Variants in SGMS1 observed in about 807,000 individuals in gnomAD.
SGMS1 encodes sphingomyelin synthase 1, also known as phosphatidylcholine:ceramide cholinephosphotransferase 1.
SGMS1 carries 13 observed loss-of-function variants against 46.2 expected under a neutral mutation model. The observed-to-expected ratio is 0.28, with a 90% CI of 0.18 to 0.45. The LOEUF is 0.45. SGMS1 is among the 20% of genes least tolerant of loss of function. The probability of loss-of-function intolerance (pLI) is 1.00; values close to 1 mark genes in which losing one functional copy is unlikely to be tolerated. For synonymous variants in SGMS1, 203 were observed against 187.8 expected, an observed-to-expected ratio of 1.08 and a Z score of -0.66; for missense variants, 324 against 519.9, an observed-to-expected ratio of 0.62 and a Z score of 3.66.
At chr10:50,402,693 G>T (rs1467385361) in intron 6 of SGMS1, among the ~76,000 whole-genome samples, 1 of 151,902 alleles carries the variant, frequency 6.6e-6, no homozygotes, top group East Asian at 1.9e-4. Flanking sequence ...TACATAGTAT[G>T]TAACAAGCCA....
intron 3 of SGMS1, among the ~76,000 whole-genome samples, chr10:50,479,844 A>T (rs1459875677): frequency 6.6e-6 from 1 of 152,182 alleles, no homozygotes; most frequent in East Asian, 1.9e-4. Context: ...TCATAGATAA[A>T]AGAGCAACAC....
At chr10:50,426,379 TA>T (rs1473381778) in intron 6 of SGMS1, among the ~76,000 whole-genome samples, 1 of 152,246 alleles carries the variant, frequency 6.6e-6, no homozygotes, top group Admixed American at 6.5e-5. Flanking sequence ...TTCATACCTT[TA>T]AAAAATCTGG....
chr10:50,616,839 T>A (rs538456916), intron 1 of SGMS1, among the ~76,000 whole-genome samples: 1 of 152,218 alleles, frequency 6.6e-6, no homozygotes, highest in Non-Finnish European at 1.5e-5. Flanking sequence ...ATGATGACCA[T>A]GTTCACGGAC....
intron 1 of SGMS1, among the ~76,000 whole-genome samples, chr10:50,598,094 C>G (rs1220495087): frequency 6.6e-6 from 1 of 150,750 alleles, no homozygotes; most frequent in African/African-American, 2.4e-5. Flanking sequence ...CCCCGCCCCA[C>G]AAAATTCATA....
At chr10:50,612,288 G>T (rs1588892749) in intron 1 of SGMS1, among the ~76,000 whole-genome samples, 1 of 152,218 alleles carries the variant, frequency 6.6e-6, no homozygotes, top group Non-Finnish European at 1.5e-5. Context: ...ACTTTTAGAA[G>T]ACTGAACATC....
chr10:50,579,165 T>A (rs911704587), intron 2 of SGMS1, among the ~76,000 whole-genome samples: 7 of 151,946 alleles, frequency 4.6e-5, no homozygotes, highest in Non-Finnish European at 1.0e-4. Context: ...CAAAAAATTT[T>A]AAAAAAACAT....
chr10:50,352,868 C>G (rs1265059677), intron 6 of SGMS1, among the ~76,000 whole-genome samples: 1 of 152,200 alleles, frequency 6.6e-6, no homozygotes, highest in Admixed American at 6.5e-5. Flanking sequence ...GACACATACA[C>G]TCTCCCAAGA....
At chr10:50,499,205 T>A (rs1837640734) in intron 3 of SGMS1, among the ~76,000 whole-genome samples, 1 of 152,226 alleles carries the variant, frequency 6.6e-6, no homozygotes, top group Non-Finnish European at 1.5e-5. Flanking sequence ...AAAACCATCC[T>A]GTATTCAAAT....
At chr10:50,544,811 T>C (rs1838086185) in intron 2 of SGMS1, among the ~76,000 whole-genome samples, 1 of 152,168 alleles carries the variant, frequency 6.6e-6, no homozygotes, top group Non-Finnish European at 1.5e-5. Flanking sequence ...CAACATGCCA[T>C]GAAGCCCAGA....
chr10:50,455,735 ACTGT>A (rs1451447510), intron 5 of SGMS1, among the ~76,000 whole-genome samples: 6 of 152,218 alleles, frequency 3.9e-5, no homozygotes, highest in Non-Finnish European at 5.9e-5. Flanking sequence ...GATTTCACAG[ACTGT>A]CTGGCTGAAT....
intron 2 of SGMS1, among the ~76,000 whole-genome samples, chr10:50,572,871 C>A (rs1838347956): frequency 6.6e-6 from 1 of 152,098 alleles, no homozygotes; most frequent in South Asian, 2.1e-4. Context: ...CAAGAGAGAA[C>A]CCTCCAGAAG....
chr10:50,515,751 A>G (rs1444120175), intron 3 of SGMS1, among the ~76,000 whole-genome samples: 1 of 152,200 alleles, frequency 6.6e-6, no homozygotes, highest in African/African-American at 2.4e-5. Context: ...AAAAACTAGC[A>G]GCAGTGACTG....
intron 3 of SGMS1, among the ~76,000 whole-genome samples, chr10:50,519,107 G>T (rs1388023101): frequency 6.6e-6 from 1 of 152,016 alleles, no homozygotes; most frequent in Non-Finnish European, 1.5e-5. Flanking sequence ...AATGCAAGCT[G>T]CAGAACACTA....
intron 5 of SGMS1, among the ~76,000 whole-genome samples, chr10:50,455,780 G>C (rs1837183562): frequency 6.6e-6 from 1 of 152,204 alleles, no homozygotes; most frequent in African/African-American, 2.4e-5. Context: ...GATGGAAAGA[G>C]CATCTTCCTA....
intron 1 of SGMS1, among the ~76,000 whole-genome samples, chr10:50,622,312 C>G (rs1838859632): frequency 6.6e-6 from 1 of 152,166 alleles, no homozygotes; most frequent in African/African-American, 2.4e-5. Flanking sequence ...CAACCCCTTT[C>G]CATCTGGGCA....
intron 5 of SGMS1, among the ~76,000 whole-genome samples, chr10:50,447,573 A>G (rs1408159223): frequency 6.6e-6 from 1 of 152,162 alleles, no homozygotes; most frequent in Non-Finnish European, 1.5e-5. Context: ...CAATGTAAAC[A>G]TATTTCTTAG....
At chr10:50,398,801 T>C (rs1848886817) in intron 6 of SGMS1, among the ~76,000 whole-genome samples, 1 of 151,916 alleles carries the variant, frequency 6.6e-6, no homozygotes, top group Non-Finnish European at 1.5e-5. Flanking sequence ...GGAAAAAATA[T>C]ATATATTATT....
At chr10:50,623,251 G>A (rs1026049515) in intron 1 of SGMS1, among the ~76,000 whole-genome samples, 9 of 152,152 alleles carry the variant, frequency 5.9e-5, no homozygotes, top group Admixed American at 2.6e-4. Context: ...CCGCCACCTA[G>A]GCTGTGGGGG....
At chr10:50,567,868 A>G (rs2131852375) in intron 2 of SGMS1, among the ~76,000 whole-genome samples, 1 of 152,320 alleles carries the variant, frequency 6.6e-6, no homozygotes, top group Admixed American at 6.5e-5. Context: ...TGGATTTCAG[A>G]CTTTCCAGAA....
Sources: gnomAD v4.1 joint callset for allele counts (sites outside exome capture counted in the v4.1 genomes callset) on GRCh38, gnomAD v4.1.1 for gene constraint, MANE v1.5 for transcripts, NCBI Gene and HGNC (gene_info 2026-07-23, HGNC 2026-07-21) for gene names.